Variants in RAB23 observed in about 807,000 individuals in gnomAD.
RAB23 encodes the protein RAB23, member RAS oncogene family.
In RAB23, 15 loss-of-function variants were observed where a neutral mutation model predicts 30.0. The observed-to-expected ratio is 0.50, with a 90% CI of 0.33 to 0.77. RAB23 has a LOEUF of 0.77. Ranked by LOEUF, RAB23 falls within the 30% of genes least tolerant of loss-of-function variation. The probability of loss-of-function intolerance (pLI) is 0.02; values close to 1 mark genes in which losing one functional copy is unlikely to be tolerated. For missense variants in RAB23, 243 were observed against 275.4 expected, an observed-to-expected ratio of 0.88 and a Z score of 0.83; for synonymous variants, 93 against 94.0, an observed-to-expected ratio of 0.99 and a Z score of 0.06.
intron 1 of RAB23, among the ~76,000 whole-genome samples, chr6:57,219,718 A>G (rs1765984641): frequency 6.6e-6 from 1 of 152,236 alleles, no homozygotes; most frequent in African/African-American, 2.4e-5. Flanking sequence ...GAGAGAAGAC[A>G]GTCTTTTCAA....
intron 1 of RAB23, among the ~76,000 whole-genome samples, chr6:57,210,698 T>C (rs985007954): frequency 2.6e-5 from 4 of 152,240 alleles, no homozygotes; most frequent in Non-Finnish European, 5.9e-5. Context: ...TTCATAGAGA[T>C]GATGACTAGG....
intron 1 of RAB23, among the ~76,000 whole-genome samples, chr6:57,213,736 T>A (rs1011416237): frequency 6.6e-6 from 1 of 152,100 alleles, no homozygotes; most frequent in African/African-American, 2.4e-5. Flanking sequence ...TAATGAGTTT[T>A]CCTTGAGTTC....
At position 57,188,502 on chromosome 6, in the gene RAB23, T is replaced by TAA. The variant is rs143452107; in HGVS notation, c.*1957_*1958dup. The TAA allele has an allele frequency of 3.7e-3, 560 of 152,226 alleles. 5 individuals carry two copies. Among genetic ancestry groups the TAA allele is most frequent in the African/African-American group, 0.013 (542 of 41,550 alleles). The allele number at this position is 152,226 out of a possible 1,614,324, so 9.4% of individuals were successfully genotyped here. On this transcript the variant is annotated 3_prime_UTR_variant, in exon 7 of 7. Transcript: ENST00000468148. ...GAAAAAGAACTAACTAGAACACATA[T>TAA]AACAAGTGATTTTTCTGCCAATAAA...
intron 3 of RAB23, among the ~76,000 whole-genome samples, chr6:57,203,831 C>A (rs776904391): frequency 3.9e-5 from 6 of 152,146 alleles, no homozygotes; most frequent in Non-Finnish European, 8.8e-5. Flanking sequence ...AGGATCCAAA[C>A]TGGTAGCCAC....
intron 3 of RAB23, among the ~76,000 whole-genome samples, 158 bp from the exon 4 acceptor site, chr6:57,196,764 T>C (rs1765038741): frequency 6.6e-6 from 1 of 152,098 alleles, no homozygotes; most frequent in Non-Finnish European, 1.5e-5. Context: ...TGTACTACTC[T>C]TCTTTACTTT....
intron 3 of RAB23, among the ~76,000 whole-genome samples, chr6:57,207,323 A>C (rs1329926722): frequency 1.3e-5 from 2 of 152,096 alleles, no homozygotes; most frequent in Non-Finnish European, 2.9e-5. Flanking sequence ...CCACTCTCTG[A>C]CTATACAGTC....
At chr6:57,212,885 A>AAAAC (rs942938380) in intron 1 of RAB23, among the ~76,000 whole-genome samples, 11 of 152,160 alleles carry the variant, frequency 7.2e-5, no homozygotes, top group African/African-American at 1.9e-4. Context: ...CCCTGTCTAA[A>AAAAC]AAACAAACAA....
rs559704797 is a variant in RAB23, at chr6:57,190,113, C to G, written c.*348G>C. Reference sequence around the variant, plus strand: ...AGAATGCTTGCTATCTTTCCTTGATCCACAGTATTAAAATCTGTAACAATA... The same window carrying G: ...AGAATGCTTGCTATCTTTCCTTGATGCACAGTATTAAAATCTGTAACAATA... On this transcript the variant is annotated 3_prime_UTR_variant, in exon 7 of 7. Transcript: ENST00000468148. The G allele has an allele frequency of 4.3e-6, 1 of 234,478 alleles. No individual in the cohort carries two copies. The highest frequency in any genetic ancestry group is 1.1e-4 in the East Asian group (1 of 9,292). The allele number at this position is 234,478 out of a possible 1,614,324, so 14.5% of individuals were successfully genotyped here.
intron 1 of RAB23, among the ~76,000 whole-genome samples, chr6:57,220,373 T>C (rs1394662862): frequency 6.6e-6 from 1 of 152,184 alleles, no homozygotes; most frequent in Non-Finnish European, 1.5e-5. Context: ...AACATACATT[T>C]ACCATATGAC....
At chr6:57,219,256 T>C (rs1765964930) in intron 1 of RAB23, among the ~76,000 whole-genome samples, 1 of 152,236 alleles carries the variant, frequency 6.6e-6, no homozygotes, top group Non-Finnish European at 1.5e-5. Context: ...AAACATTAAA[T>C]ACTTAGGTAT....
intron 4 of RAB23, 115 bp downstream of exon 4, chr6:57,196,334 AG>A: frequency 2.5e-6 from 3 of 1,212,074 alleles, no homozygotes; most frequent in Non-Finnish European, 3.6e-6. Context: ...AAGTCATTAA[AG>A]CCTTCAAAAT....
At chr6:57,204,230 C>T (rs1765371840) in intron 3 of RAB23, among the ~76,000 whole-genome samples, 1 of 152,076 alleles carries the variant, frequency 6.6e-6, no homozygotes, top group Admixed American at 6.6e-5. Flanking sequence ...TGATACTGTA[C>T]CTAAAAGTTC....
intron 3 of RAB23, 40 bp downstream of exon 3, chr6:57,207,588 T>C (rs1225986691): frequency 7.0e-7 from 1 of 1,422,902 alleles, no homozygotes; most frequent in South Asian, 1.2e-5. Flanking sequence ...GCCAAAATAA[T>C]ATGCCCAAAC....
chr6:57,211,033 C>A (rs926481942), intron 1 of RAB23, among the ~76,000 whole-genome samples: 2 of 152,208 alleles, frequency 1.3e-5, no homozygotes, highest in Admixed American at 1.3e-4. Flanking sequence ...AACTTTGTTT[C>A]ATGCACAAAA....
chr6:57,219,367 T>C (rs575529294), intron 1 of RAB23, among the ~76,000 whole-genome samples: 40 of 152,350 alleles, frequency 2.6e-4, no homozygotes, highest in African/African-American at 8.9e-4. Context: ...TGTTCATAGA[T>C]TGGGAGACTC....
intron 3 of RAB23, among the ~76,000 whole-genome samples, chr6:57,200,536 CAAAAAAAAAAA>C (rs989178921): frequency 4.7e-5 from 2 of 42,648 alleles, no homozygotes; most frequent in African/African-American, 8.5e-5. Flanking sequence ...GACTCTGTCT[CAAAAAAAAAAA>C]AAAAAAAAAA....
At chr6:57,213,835 C>T (rs751087096) in intron 1 of RAB23, among the ~76,000 whole-genome samples, 3 of 152,082 alleles carry the variant, frequency 2.0e-5, no homozygotes, top group African/African-American at 7.2e-5. Context: ...TAAAAGCCTA[C>T]TCTCTTGAGT....
intron 1 of RAB23, among the ~76,000 whole-genome samples, chr6:57,212,436 T>C (rs1330918063): frequency 6.6e-6 from 1 of 152,224 alleles, no homozygotes; most frequent in Non-Finnish European, 1.5e-5. Context: ...ATAAATCTCT[T>C]GCACTTTTAG....
Position 57,193,837 on chromosome 6 carries a change from C to T in RAB23, c.574+5G>A. ...AACATGGGCTAAAATTTCCTATGTA[C>T]TTACCAATCTTGTTACTACTTGAAT... On this transcript the variant is annotated splice_donor_5th_base_variant and intron_variant, in intron 6 of 6. Coordinates refer to ENST00000468148, the MANE Select transcript of RAB23 (RefSeq NM_016277.5). 6.2e-7 allele frequency: 1 copy of T among 1,612,480 alleles called. No homozygotes were observed. Among genetic ancestry groups the T allele is most frequent in the Non-Finnish European group, 8.5e-7 (1 of 1,179,094 alleles).
Sources: allele counts gnomAD v4.1 joint callset (sites outside exome capture counted in the v4.1 genomes callset), GRCh38; gene constraint gnomAD v4.1.1; transcripts MANE v1.5; gene names NCBI Gene and HGNC (gene_info 2026-07-23, HGNC 2026-07-21).